The following FBXO38 variants were observed in gnomAD, a reference collection of about 807,000 sequenced individuals.
The protein encoded by FBXO38 is F-box only protein 38.
FBXO38 carries 53 observed loss-of-function variants against 131.9 expected under a neutral mutation model. The observed-to-expected ratio is 0.40, with a 90% CI of 0.32 to 0.51. FBXO38 has a LOEUF of 0.51. FBXO38 is among the 20% of genes least tolerant of loss of function. The pLI, the probability that FBXO38 is intolerant of heterozygous loss-of-function variation, is 0.53. For synonymous variants in FBXO38, 452 were observed against 505.6 expected (o/e 0.89, Z 1.42); for missense variants, 1,076 against 1,475.6 (o/e 0.73, Z 4.44).
chr5:148,388,998 T>C (rs1338555965), intron 1 of FBXO38, among the ~76,000 whole-genome samples: 1 of 152,220 alleles, frequency 6.6e-6, no homozygotes, highest in Non-Finnish European at 1.5e-5. Context: ...ACTTGAACAC[T>C]TAGAGGCCGT....
chr5:148,441,239 T>A lies in FBXO38; in HGVS notation c.3388+2T>A. 1 of 1,604,722 alleles carries A rather than the reference T, an allele frequency of 6.2e-7. No individual in the cohort carries two copies. Among genetic ancestry groups the A allele is most frequent in the Non-Finnish European group, 8.5e-7 (1 of 1,171,634 alleles). On this transcript the variant is annotated splice_donor_variant, in intron 21 of 21. Transcript: ENST00000340253. LOFTEE classifies it high-confidence loss of function. ...ACGACTTTGAAGACGATGAAGAAAG[T>A]AATTATGACCTGACTTGACATCTAT...
chr5:148,423,212 G>A lies in FBXO38; in HGVS notation c.1619-786G>A, dbSNP rs1753539418. On this transcript the variant is annotated intron_variant, in intron 12 of 21. Coordinates refer to ENST00000340253, the MANE Select transcript of FBXO38 (RefSeq NM_205836.3). ...GCCAGAATGTGTGCATCCTCTTTAAGAGCAAGGAGTATAAATTTCCCACTT... is the reference window on the plus strand; with the variant it reads ...GCCAGAATGTGTGCATCCTCTTTAAAAGCAAGGAGTATAAATTTCCCACTT... Among the ~76,000 whole-genome samples, 2 of 152,060 alleles carry A rather than the reference G, an allele frequency of 1.3e-5. 1 individual carries two copies. Among genetic ancestry groups the A allele is most frequent in the Admixed American group, 1.3e-4 (2 of 15,256 alleles).
intron 3 of FBXO38, among the ~76,000 whole-genome samples, chr5:148,399,791 A>G (rs376000595): frequency 6.6e-6 from 1 of 152,142 alleles, no homozygotes; most frequent in Non-Finnish European, 1.5e-5. Context: ...CTTAACGCCA[A>G]TCCATTAATT....
chr5:148,423,345 AGT>A (rs1753545523), intron 12 of FBXO38, among the ~76,000 whole-genome samples: 2 of 152,216 alleles, frequency 1.3e-5, no homozygotes, highest in Non-Finnish European at 2.9e-5. Flanking sequence ...AAATCAGGCT[AGT>A]AATAATGCCC....
At chr5:148,409,565 A>G (rs1215894404) in intron 8 of FBXO38, among the ~76,000 whole-genome samples, 1 of 152,188 alleles carries the variant, frequency 6.6e-6, no homozygotes, top group African/African-American at 2.4e-5. Context: ...CCATCTCTGG[A>G]TGATTTTCTG....
intron 18 of FBXO38, among the ~76,000 whole-genome samples, chr5:148,439,195 G>T (rs1358783899): frequency 6.6e-6 from 1 of 152,104 alleles, no homozygotes; most frequent in Non-Finnish European, 1.5e-5. Context: ...ATGGGGGAGG[G>T]TATGCCATGA....
rs555271854 is a variant in FBXO38 at position 148,419,956 on chromosome 5, A to C, written c.1618+2752A>C. ...TATGATTTTTTGTTTCACAGTTACT[A>C]TATTTATCAAAATTTTATAATTTGG... On this transcript the variant is annotated intron_variant, in intron 12 of 21. Coordinates refer to ENST00000340253, the MANE Select transcript of FBXO38 (RefSeq NM_205836.3). 2.4e-4 allele frequency among the ~76,000 whole-genome samples: 37 copies of C among 152,108 alleles called. 1 individual carries two copies. In the South Asian group the frequency reaches 6.6e-3, roughly 27 times the overall value.
intron 1 of FBXO38, among the ~76,000 whole-genome samples, chr5:148,389,225 C>T (rs1347423463): frequency 6.6e-6 from 1 of 152,022 alleles, no homozygotes; most frequent in Non-Finnish European, 1.5e-5. Flanking sequence ...CATAGATCAC[C>T]GTAACACATA....
intron 21 of FBXO38, chr5:148,441,493 T>C (rs950218183): frequency 9.6e-6 from 3 of 311,402 alleles, no homozygotes; most frequent in African/African-American, 6.5e-5. Flanking sequence ...ATTACCTAAA[T>C]ATTTATAATC....
At chr5:148,426,234 C>G (rs1753708380) in intron 14 of FBXO38, among the ~76,000 whole-genome samples, 1 of 152,204 alleles carries the variant, frequency 6.6e-6, no homozygotes, top group Non-Finnish European at 1.5e-5. Context: ...TCTTCCTTGT[C>G]TTTCCTTCCC....
At chr5:148,439,318 C>G (rs1285614258) in intron 18 of FBXO38, among the ~76,000 whole-genome samples, 2 of 152,212 alleles carry the variant, frequency 1.3e-5, no homozygotes, top group Non-Finnish European at 2.9e-5. Flanking sequence ...ATTCACAGTT[C>G]TATAATGCAG....
At chr5:148,395,928 T>G (rs1172230906) in intron 2 of FBXO38, among the ~76,000 whole-genome samples, 2 of 152,164 alleles carry the variant, frequency 1.3e-5, no homozygotes, top group Non-Finnish European at 2.9e-5. Flanking sequence ...TTCCATTATT[T>G]TAGGTAGTTT....
At chr5:148,408,478 G>T (rs1215650881) in intron 7 of FBXO38, among the ~76,000 whole-genome samples, 1 of 152,132 alleles carries the variant, frequency 6.6e-6, no homozygotes, top group Non-Finnish European at 1.5e-5. Flanking sequence ...ATGCCTATTG[G>T]CAATAGAATG....
Position 148,410,635 on chromosome 5 carries a change from G to A in FBXO38, c.963G>A (p.Arg321=), listed in dbSNP as rs760505808. The stretch of plus-strand genomic sequence containing the variant: ...ATATGTTCTCTGTCTTTATTCACAG[G>A]TTACATGAAGTTCGGATCCAGCCTT... ...LGYLIITAAR[R]LHEVRIQPSL... is the part of the protein sequence containing the mutation. Residue 321 remains arginine, a splice_region_variant and synonymous_variant, in exon 9 of 22, where the codon AGG becomes AGA. Coordinates refer to ENST00000340253, the MANE Select transcript of FBXO38 (RefSeq NM_205836.3). The A allele has an allele frequency of 6.2e-7, 1 of 1,613,874 alleles. No homozygotes were observed. The highest frequency in any genetic ancestry group is 1.7e-5 in the Admixed American group (1 of 59,948).
At chr5:148,396,073 C>G (rs988619940) in intron 2 of FBXO38, among the ~76,000 whole-genome samples, 4 of 151,050 alleles carry the variant, frequency 2.6e-5, no homozygotes, top group Non-Finnish European at 4.4e-5. Flanking sequence ...ATTTTTTTTT[C>G]TAATATAAAT....
intron 1 of FBXO38, among the ~76,000 whole-genome samples, chr5:148,387,224 C>A (rs1344202204): frequency 6.6e-6 from 1 of 152,120 alleles, no homozygotes; most frequent in African/African-American, 2.4e-5. Context: ...ATTCTAAATC[C>A]TTTGTTGTCA....
At chr5:148,408,213 T>C (rs1045608838) in intron 7 of FBXO38, among the ~76,000 whole-genome samples, 5 of 152,220 alleles carry the variant, frequency 3.3e-5, no homozygotes, top group African/African-American at 1.2e-4. Context: ...TCGTGACTAA[T>C]ATGAAAAAGA....
chr5:148,402,983 C>T (rs887925673), intron 5 of FBXO38, among the ~76,000 whole-genome samples: 1 of 152,044 alleles, frequency 6.6e-6, no homozygotes, highest in Admixed American at 6.6e-5. Flanking sequence ...ATTTCTGAAA[C>T]TCAGGTGGTA....
chr5:148,420,722 A>G (rs1753365567), intron 12 of FBXO38, among the ~76,000 whole-genome samples: 1 of 152,198 alleles, frequency 6.6e-6, no homozygotes. Flanking sequence ...AGTGGTTTTC[A>G]GACTTGAGTG....
Sources: gnomAD v4.1 joint callset for allele counts (sites outside exome capture counted in the v4.1 genomes callset) on GRCh38, gnomAD v4.1.1 for gene constraint, MANE v1.5 for transcripts, NCBI Gene and HGNC (gene_info 2026-07-23, HGNC 2026-07-21) for gene names.